Variants in NT5DC1 observed in about 807,000 individuals in gnomAD.
NT5DC1 encodes the protein 5'-nucleotidase domain-containing protein 1.
NT5DC1 carries 42 observed loss-of-function variants against 59.4 expected under a neutral mutation model. The ratio of observed to expected loss-of-function variants is 0.71; its 90% confidence interval spans 0.55 to 0.92. The LOEUF (loss-of-function observed/expected upper bound fraction) is 0.92, where lower values mean the gene tolerates loss of function less well. Ranked by LOEUF, NT5DC1 falls within the 40% of genes least tolerant of loss-of-function variation. NT5DC1 has a pLI of 0.00. For missense variants in NT5DC1, 501 were observed against 537.1 expected (o/e 0.93, Z 0.66); for synonymous variants, 172 against 188.1 (o/e 0.91, Z 0.70).
chr6:116,220,932 CA>C, intron 6 of NT5DC1, 121 bp from the exon 7 acceptor site: 1 of 577,686 alleles, frequency 1.7e-6, no homozygotes, highest in Non-Finnish European at 3.1e-6. Context: ...CTAGGTCGGT[CA>C]AACCTTGTTC....
intron 6 of NT5DC1, among the ~76,000 whole-genome samples, chr6:116,214,807 A>T (rs1268623724): frequency 6.6e-6 from 1 of 151,392 alleles, no homozygotes; most frequent in Non-Finnish European, 1.5e-5. Flanking sequence ...GTACCCTAAA[A>T]CTTAAAGTAT....
At chr6:116,129,547 T>C (rs1275340103) in intron 6 of NT5DC1, among the ~76,000 whole-genome samples, 1 of 152,208 alleles carries the variant, frequency 6.6e-6, no homozygotes, top group African/African-American at 2.4e-5. Flanking sequence ...TTTGCTCTCT[T>C]GCACACTTTT....
intron 8 of NT5DC1, among the ~76,000 whole-genome samples, chr6:116,223,607 ATAG>A (rs1292474730): frequency 1.3e-5 from 2 of 152,216 alleles, no homozygotes; most frequent in Non-Finnish European, 1.5e-5. Flanking sequence ...AAAAAGAATG[ATAG>A]TAGAGTGAGG....
At position 116,125,471 on chromosome 6, in the gene NT5DC1, A is replaced by G. The variant is rs1582818069; in HGVS notation, c.529+7526A>G. 1 of 1,613,920 alleles carries G rather than the reference A, an allele frequency of 6.2e-7. No individual in the cohort carries two copies. The highest frequency in any genetic ancestry group is 8.5e-7 in the Non-Finnish European group (1 of 1,179,858). ...ACCAAGTTCAAGGATACTAGCAGCA[A>G]AAAGGGTATTTGTGGCAGCATATTC... On this transcript the variant is annotated intron_variant, in intron 6 of 11. Coordinates refer to ENST00000319550, the MANE Select transcript of NT5DC1 (RefSeq NM_152729.3).
At chr6:116,184,583 G>A (rs1299887666) in intron 6 of NT5DC1, among the ~76,000 whole-genome samples, 1 of 151,970 alleles carries the variant, frequency 6.6e-6, no homozygotes, top group Non-Finnish European at 1.5e-5. Context: ...GGTCTGTTCA[G>A]AGTGTCTGTT....
intron 6 of NT5DC1, among the ~76,000 whole-genome samples, chr6:116,186,079 C>A (rs940572156): frequency 6.6e-6 from 1 of 151,936 alleles, no homozygotes; most frequent in African/African-American, 2.4e-5. Flanking sequence ...GGCAAATTCT[C>A]GCAGCATTTG....
At chr6:116,170,322 A>T (rs1780576899) in intron 6 of NT5DC1, among the ~76,000 whole-genome samples, 2 of 152,112 alleles carry the variant, frequency 1.3e-5, no homozygotes, top group South Asian at 4.1e-4. Context: ...TTTTAATTCA[A>T]AAGAAAGGGT....
chr6:116,120,817 G>A (rs747192733), intron 6 of NT5DC1: 32 of 1,613,642 alleles, frequency 2.0e-5, no homozygotes, highest in Admixed American at 3.3e-5. Flanking sequence ...CATTGTGTCC[G>A]GGCATTCCCT....
At chr6:116,208,144 T>G (rs1781496950) in intron 6 of NT5DC1, among the ~76,000 whole-genome samples, 1 of 152,002 alleles carries the variant, frequency 6.6e-6, no homozygotes, top group African/African-American at 2.4e-5. Context: ...ATGTTCCTGT[T>G]ATTTTTTCTG....
chr6:116,200,745 C>T (rs946230051), intron 6 of NT5DC1, among the ~76,000 whole-genome samples: 1 of 151,946 alleles, frequency 6.6e-6, no homozygotes, highest in Non-Finnish European at 1.5e-5. Flanking sequence ...ATCTCTTCTC[C>T]CACTAGCTTG....
intron 6 of NT5DC1, among the ~76,000 whole-genome samples, chr6:116,215,486 C>T (rs888584013): frequency 3.3e-5 from 5 of 152,164 alleles, no homozygotes; most frequent in East Asian, 1.9e-4. Context: ...ACTGAGTCAC[C>T]TTGTCGACTT....
At position 116,120,659 on chromosome 6, in the gene NT5DC1, T is replaced by C. The variant is rs1295071807; in HGVS notation, c.529+2714T>C. 8 of 1,546,330 alleles carry C rather than the reference T, an allele frequency of 5.2e-6. No homozygotes were observed. The highest frequency in any genetic ancestry group is 2.1e-5 in the Admixed American group (1 of 46,962). ...AGGCCCTGGTGGCCCGGTGGGTCCATTGAGGCCCTTAGTTGCTATGCCAGC... is the reference window on the plus strand; with the variant it reads ...AGGCCCTGGTGGCCCGGTGGGTCCACTGAGGCCCTTAGTTGCTATGCCAGC... On this transcript the variant is annotated intron_variant, in intron 6 of 11. Transcript: ENST00000319550.
chr6:116,192,365 T>C (rs1247943870), intron 6 of NT5DC1, among the ~76,000 whole-genome samples: 1 of 152,036 alleles, frequency 6.6e-6, no homozygotes, highest in Non-Finnish European at 1.5e-5. Flanking sequence ...TTGGGTATAC[T>C]CGAATATTCT....
At position 116,119,449 on chromosome 6, in the gene NT5DC1, A is replaced by G. The variant is rs994239965; in HGVS notation, c.529+1504A>G. On this transcript the variant is annotated intron_variant, in intron 6 of 11. Transcript: ENST00000319550. Reference sequence around the variant, plus strand: ...CCTTGCATTTCAGATGAACTTCAATATTTTGGGGCTTTTTTATATAAGAGC... The same window carrying G: ...CCTTGCATTTCAGATGAACTTCAATGTTTTGGGGCTTTTTTATATAAGAGC... 9 of 152,602 alleles carry G rather than the reference A, an allele frequency of 5.9e-5. 1 individual carries two copies. Among genetic ancestry groups the G allele is most frequent in the African/African-American group, 2.2e-4 (9 of 41,440 alleles). The allele number at this position is 152,602 out of a possible 1,614,324, so 9.5% of individuals were successfully genotyped here. A position where few individuals can be genotyped will look rare whatever the true frequency, so the allele number is the denominator to read the frequency against.
At position 116,114,636 on chromosome 6, in the gene NT5DC1, T is replaced by C. The variant is rs150497975; in HGVS notation, c.365-1055T>C. 4.6e-5 allele frequency among the ~76,000 whole-genome samples: 7 copies of C among 152,198 alleles called. No individual in the cohort carries two copies. The South Asian group carries it at 6.2e-4, about 14-fold the overall frequency. Reference sequence around the variant, plus strand: ...ACCTATTGGTTCTGTTTGACTCTTCTTTGTATCAAGCGTTCTCTAGGGAAC... The same window carrying C: ...ACCTATTGGTTCTGTTTGACTCTTCCTTGTATCAAGCGTTCTCTAGGGAAC... On this transcript the variant is annotated intron_variant, in intron 4 of 11. Transcript: ENST00000319550.
chr6:116,179,605 C>T (rs1248785108), intron 6 of NT5DC1, among the ~76,000 whole-genome samples: 2 of 152,046 alleles, frequency 1.3e-5, no homozygotes, highest in Non-Finnish European at 2.9e-5. Flanking sequence ...AATTAACCTA[C>T]TGAAATTAAA....
rs148019011 is a variant in NT5DC1, at chr6:116,114,083, A to T, written c.365-1608A>T. On this transcript the variant is annotated intron_variant, in intron 4 of 11. Transcript: ENST00000319550. ...AGATCACTGGTTCTTCACACTGGCA[A>T]AGCCATCCTAACCTTTCTTAGGAAT... 2.2e-3 allele frequency among the ~76,000 whole-genome samples: 339 copies of T among 152,274 alleles called. 1 individual carries two copies. Among genetic ancestry groups the T allele is most frequent in the Admixed American group, 6.1e-3 (94 of 15,310 alleles).
rs890236022 is a variant in NT5DC1 at position 116,225,011 on chromosome 6, G to A, written c.802+1880G>A. Among the ~76,000 whole-genome samples the A allele has an allele frequency of 5.3e-5, 8 of 152,078 alleles. No individual in the cohort carries two copies. In the South Asian group the frequency reaches 1.2e-3, roughly 24 times the overall value. The stretch of plus-strand genomic sequence containing the variant: ...TGGAGTTGGAAAACACAGAGGGCTC[G>A]GTGATACTTAAAGAAACAGCAGACA... On this transcript the variant is annotated intron_variant, in intron 8 of 11. Transcript: ENST00000319550.
rs758302419 is a variant in NT5DC1, at chr6:116,101,039, T to C, written c.93+16T>C. Reference sequence around the variant, plus strand: ...GAGCGCCCCGGTGAGTGGCGCGGGCTCCGGGGCGCACTGCGCGCAACCTCC... The same window carrying C: ...GAGCGCCCCGGTGAGTGGCGCGGGCCCCGGGGCGCACTGCGCGCAACCTCC... On this transcript the variant is annotated intron_variant, in intron 1 of 11. Coordinates refer to ENST00000319550, the MANE Select transcript of NT5DC1 (RefSeq NM_152729.3). 1 of 1,563,798 alleles carries C rather than the reference T, an allele frequency of 6.4e-7. No homozygotes were observed. The highest frequency in any genetic ancestry group is 2.4e-5 in the East Asian group (1 of 41,032).
Sources: allele counts gnomAD v4.1 joint callset (sites outside exome capture counted in the v4.1 genomes callset), GRCh38; gene constraint gnomAD v4.1.1; transcripts MANE v1.5; gene names NCBI Gene and HGNC (gene_info 2026-07-23, HGNC 2026-07-21).